Variants in CREB3L2 observed in about 807,000 individuals in gnomAD.
CREB3L2 encodes cyclic AMP-responsive element-binding protein 3-like protein 2.
In CREB3L2, 23 loss-of-function variants were observed where a neutral mutation model predicts 57.2. The ratio of observed to expected loss-of-function variants is 0.40; its 90% CI spans 0.29 to 0.57. The LOEUF is 0.57. Among genes scored for constraint, CREB3L2 ranks in the 20% least tolerant of loss-of-function variants. The pLI is 0.42. For missense variants in CREB3L2, 628 were observed against 634.7 expected (o/e 0.99, Z 0.11); for synonymous variants, 268 against 265.1 (o/e 1.01, Z -0.11).
chr7:137,902,842 A>G (rs554243470), intron 7 of CREB3L2, among the ~76,000 whole-genome samples: 1 of 151,870 alleles, frequency 6.6e-6, no homozygotes, highest in East Asian at 1.9e-4. Flanking sequence ...TTTGAGACAG[A>G]GTCTCACTCT....
chr7:137,974,413 G>A (rs1801568534), intron 1 of CREB3L2, among the ~76,000 whole-genome samples: 1 of 152,132 alleles, frequency 6.6e-6, no homozygotes, highest in South Asian at 2.1e-4. Flanking sequence ...CAACCGGCAT[G>A]TACAAAGGCC....
chr7:137,954,937 T>C (rs1358251731), intron 1 of CREB3L2, among the ~76,000 whole-genome samples: 1 of 152,090 alleles, frequency 6.6e-6, no homozygotes, highest in African/African-American at 2.4e-5. Context: ...AGACTCCCAG[T>C]GACTGAGAAC....
chr7:137,974,939 A>G (rs1216826675), intron 1 of CREB3L2, among the ~76,000 whole-genome samples: 1 of 152,180 alleles, frequency 6.6e-6, no homozygotes, highest in Non-Finnish European at 1.5e-5. Context: ...CAGGCTAAAG[A>G]TATAAATTAT....
In CREB3L2 at chr7:137,880,133, C is replaced by CG. The variant is rs1405127247; in HGVS notation, c.*342dup. 1.1e-5 allele frequency: 4 copies of CG among 350,042 alleles called. No homozygotes were observed. The highest frequency in any genetic ancestry group is 4.6e-5 in the East Asian group (1 of 21,750). The allele number at this position is 350,042 out of a possible 1,614,324, so 21.7% of individuals were successfully genotyped here. On this transcript the variant is annotated 3_prime_UTR_variant, in exon 12 of 12. Transcript: ENST00000330387. This position sits in a 1 kb window ranked among gnomAD's most constrained non-coding sequence, Gnocchi z 4.0. ...AACAAGAGCCATCTCGTCTCCAAAG[C>CG]GGGGGGTTACACCTCACAGGTGCAC...
chr7:137,997,625 G>A (rs1455433481), intron 1 of CREB3L2, among the ~76,000 whole-genome samples: 1 of 152,118 alleles, frequency 6.6e-6, no homozygotes, highest in Non-Finnish European at 1.5e-5. Flanking sequence ...CTACTCTGGA[G>A]GCTGAGGTGG....
intron 1 of CREB3L2, among the ~76,000 whole-genome samples, chr7:137,978,664 T>C (rs1801653341): frequency 6.6e-6 from 1 of 152,324 alleles, no homozygotes; most frequent in East Asian, 1.9e-4. Context: ...GTCAAGAAGC[T>C]GAGTGACTCA....
chr7:137,991,970 T>C (rs1236083917), intron 1 of CREB3L2, among the ~76,000 whole-genome samples: 1 of 151,758 alleles, frequency 6.6e-6, no homozygotes, highest in African/African-American at 2.4e-5. Flanking sequence ...CTGTTAATAA[T>C]TCTAACAAGA....
intron 1 of CREB3L2, among the ~76,000 whole-genome samples, chr7:137,968,678 C>A (rs995131385): frequency 1.3e-5 from 2 of 152,166 alleles, no homozygotes; most frequent in African/African-American, 4.8e-5. Context: ...CTCTTGTATC[C>A]TCTCAGCCTC....
At chr7:137,941,576 G>C (rs1267171819) in intron 1 of CREB3L2, among the ~76,000 whole-genome samples, 1 of 152,232 alleles carries the variant, frequency 6.6e-6, no homozygotes, top group African/African-American at 2.4e-5. Flanking sequence ...TCTTGGAGCA[G>C]TGGGGAGTAA....
Position 137,880,945 on chromosome 7 carries a change from G to T in CREB3L2, c.1488-394C>A, listed in dbSNP as rs1799278903. 6.6e-6 allele frequency among the ~76,000 whole-genome samples: 1 copy of T among 152,156 alleles called. No homozygotes were observed. Among genetic ancestry groups the T allele is most frequent in the South Asian group, 2.1e-4 (1 of 4,836 alleles). On this transcript the variant is annotated intron_variant, in intron 11 of 11. Transcript: ENST00000330387. The surrounding 1 kb of genome is among the most constrained non-coding windows in gnomAD (Gnocchi z 4.0). ...TAGAAGAGCTAATAATCCAGATAAA[G>T]ATTTTTAACAATGAGCTAATTTGAA...
chr7:137,885,115 C>T lies in CREB3L2; in HGVS notation c.1150G>A (p.Val384Met). Residue 384 changes from valine (V) to methionine (M), a missense_variant, in exon 10 of 12, where the codon GTG becomes ATG. Val to Met is a conservative substitution (Grantham distance 21, BLOSUM62 1). This residue lies in a region of CREB3L2 where 272 missense variants were observed against 242.7 expected (regional missense o/e 1.12). Coordinates refer to ENST00000330387, the MANE Select transcript of CREB3L2 (RefSeq NM_194071.4). ...CCGAATGCAACGGCAAAGCACAGCA[C>T]CACAACCTGTGGGAGAGAAAGAGGG... Reference protein sequence around the residue: ...TQTGTCLMVVVLCFAVAFGSF... With the variant: ...TQTGTCLMVVMLCFAVAFGSF... 6.2e-7 allele frequency: 1 copy of T among 1,614,086 alleles called. No individual in the cohort carries two copies. Among genetic ancestry groups the T allele is most frequent in the Non-Finnish European group, 8.5e-7 (1 of 1,179,990 alleles).
intron 7 of CREB3L2, among the ~76,000 whole-genome samples, chr7:137,902,679 T>C (rs2117201520): frequency 6.6e-6 from 1 of 152,334 alleles, no homozygotes; most frequent in African/African-American, 2.4e-5. Context: ...CCTTTACATA[T>C]CCTCCAGTAT....
At chr7:138,000,643 C>T (rs1802057733) in intron 1 of CREB3L2, among the ~76,000 whole-genome samples, 1 of 152,122 alleles carries the variant, frequency 6.6e-6, no homozygotes, top group African/African-American at 2.4e-5. Context: ...GAAGGGGAAG[C>T]AGCCAAGCCT....
chr7:137,886,992 A>C (rs1484564377), intron 8 of CREB3L2, among the ~76,000 whole-genome samples: 1 of 151,542 alleles, frequency 6.6e-6, no homozygotes, highest in Non-Finnish European at 1.5e-5. Context: ...CTCATCCCCC[A>C]CCCCCAAACC....
chr7:137,915,412 C>T (rs575183197), intron 3 of CREB3L2, among the ~76,000 whole-genome samples: 1 of 152,056 alleles, frequency 6.6e-6, no homozygotes, highest in Non-Finnish European at 1.5e-5. Context: ...AAGGACAACT[C>T]AGCATCTCAC....
chr7:137,940,526 G>A (rs1396129005), intron 1 of CREB3L2, among the ~76,000 whole-genome samples: 1 of 152,034 alleles, frequency 6.6e-6, no homozygotes, highest in Non-Finnish European at 1.5e-5. Flanking sequence ...AAATCAAAGA[G>A]TTGAGAACTG....
chr7:137,944,811 T>C (rs1360686441), intron 1 of CREB3L2, among the ~76,000 whole-genome samples: 2 of 152,194 alleles, frequency 1.3e-5, no homozygotes, highest in Non-Finnish European at 2.9e-5. Context: ...TTACATACTT[T>C]ATATATCAAT....
At chr7:137,892,316 G>A (rs1799541876) in intron 8 of CREB3L2, among the ~76,000 whole-genome samples, 1 of 149,902 alleles carries the variant, frequency 6.7e-6, no homozygotes, top group Non-Finnish European at 1.5e-5. Flanking sequence ...AATCAAAAAA[G>A]CCTGAGTGTT....
At position 137,903,943 on chromosome 7, in the gene CREB3L2, T is replaced by C; in HGVS notation, c.974+16A>G. The C allele has an allele frequency of 1.2e-6, 2 of 1,608,644 alleles. No homozygotes were observed. The highest frequency in any genetic ancestry group is 1.1e-5 in the South Asian group (1 of 90,958). The stretch of plus-strand genomic sequence containing the variant: ...CATACTGCCCGATGAACGCAACAGT[T>C]TGCCAGCAGGCTTACTTTTTCTCCA... On this transcript the variant is annotated intron_variant, in intron 7 of 11. Transcript: ENST00000330387.
Sources: allele counts gnomAD v4.1 joint callset (sites outside exome capture counted in the v4.1 genomes callset), GRCh38; gene constraint gnomAD v4.1.1; regional missense constraint gnomAD v4.1.1; non-coding constraint Gnocchi (gnomAD v3.1); transcripts MANE v1.5; gene names NCBI Gene and HGNC (gene_info 2026-07-23, HGNC 2026-07-21).